Variants in PTK7 observed in about 807,000 individuals in gnomAD.
PTK7 encodes inactive tyrosine-protein kinase 7.
Under a neutral mutation model 116.6 loss-of-function variants are expected in PTK7, and 39 were observed. That is an observed-to-expected ratio of 0.33 (90% CI 0.26 to 0.44). The LOEUF is 0.44. Ranked by LOEUF, PTK7 falls within the 20% of genes least tolerant of loss-of-function variation. PTK7 has a pLI of 1.00. For synonymous variants in PTK7, 546 were observed against 563.6 expected, an observed-to-expected ratio of 0.97 and a Z score of 0.44; for missense variants, 1,169 against 1,425.6, an observed-to-expected ratio of 0.82 and a Z score of 2.90.
chr6:43,155,598 G>A (rs1402976430), intron 17 of PTK7, among the ~76,000 whole-genome samples: 1 of 151,016 alleles, frequency 6.6e-6, no homozygotes. Flanking sequence ...GCAGTGAGCC[G>A]AGATCAGGCC....
intron 1 of PTK7, among the ~76,000 whole-genome samples, chr6:43,095,988 A>C (rs187936933): frequency 3.3e-4 from 50 of 152,346 alleles, no homozygotes; most frequent in African/African-American, 1.1e-3. Context: ...AGCTCTCAGT[A>C]GTCCTGAGTT....
At chr6:43,124,204 C>A (rs111763904) in intron 1 of PTK7, among the ~76,000 whole-genome samples, 3,414 of 152,308 alleles carry the variant, frequency 0.022, 56 homozygotes, top group South Asian at 0.059. Flanking sequence ...CTGGTGACTA[C>A]ATCACCTTGA....
At chr6:43,115,257 G>A (rs987049615) in intron 1 of PTK7, among the ~76,000 whole-genome samples, 1 of 151,604 alleles carries the variant, frequency 6.6e-6, no homozygotes, top group Non-Finnish European at 1.5e-5. Flanking sequence ...ACAATCATTA[G>A]TAATGTAGTT....
Position 43,129,495 on chromosome 6 carries a change from C to G in PTK7, c.367+231C>G. The G allele has an allele frequency of 1.4e-6, 1 of 736,086 alleles. No individual in the cohort carries two copies. Among genetic ancestry groups the G allele is most frequent in the Non-Finnish European group, 2.2e-6 (1 of 461,284 alleles). 45.6% of individuals were successfully genotyped at this position (736,086 alleles called of 1,614,324 possible). On this transcript the variant is annotated intron_variant, in intron 2 of 19. Coordinates refer to ENST00000230419, the MANE Select transcript of PTK7 (RefSeq NM_002821.5). The surrounding 1 kb of genome is among the most constrained non-coding windows in gnomAD (Gnocchi z 4.5). Reference sequence around the variant, plus strand: ...CCCATTTATCTGCTGCATGCTTGTGCAAATGGAAAGGGCGGCCGAGCCCTT... The same window carrying G: ...CCCATTTATCTGCTGCATGCTTGTGGAAATGGAAAGGGCGGCCGAGCCCTT...
intron 1 of PTK7, among the ~76,000 whole-genome samples, chr6:43,097,030 A>G (rs547632580): frequency 1.3e-5 from 1 of 76,722 alleles, no homozygotes; most frequent in South Asian, 4.7e-4. Context: ...TAGGCCAGCT[A>G]CTAAAATATG....
intron 1 of PTK7, among the ~76,000 whole-genome samples, chr6:43,118,411 C>T (rs1420630823): frequency 6.6e-6 from 1 of 151,500 alleles, no homozygotes; most frequent in Non-Finnish European, 1.5e-5. Flanking sequence ...GTGGCGGGCA[C>T]CTGTAATCCC....
Position 43,076,689 on chromosome 6 carries a change from G to A in PTK7, c.79+122G>A. ...CGGCCCTGGAGTAGTGGAGAGGCTC[G>A]CTGGGGGTGCAGGCTTGCGGCGGAA... On this transcript the variant is annotated intron_variant, in intron 1 of 19. Transcript: ENST00000230419. This position sits in a 1 kb window ranked among gnomAD's most constrained non-coding sequence, Gnocchi z 5.7. The A allele has an allele frequency of 7.2e-7, 1 of 1,391,798 alleles. No homozygotes were observed. The allele number at this position is 1,391,798 out of a possible 1,614,324, so 86.2% of individuals were successfully genotyped here. A position where few individuals can be genotyped will look rare whatever the true frequency, so the allele number is the denominator to read the frequency against.
intron 1 of PTK7, among the ~76,000 whole-genome samples, chr6:43,125,834 T>C (rs1769257080): frequency 6.6e-6 from 1 of 151,996 alleles, no homozygotes; most frequent in Non-Finnish European, 1.5e-5. Flanking sequence ...ACACACTGAG[T>C]GTAACAGGTC....
At position 43,100,033 on chromosome 6, in the gene PTK7, G is replaced by A. The variant is rs893680369; in HGVS notation, c.79+23466G>A. Among the ~76,000 whole-genome samples the A allele has an allele frequency of 8.5e-5, 13 of 152,208 alleles. No individual in the cohort carries two copies. The East Asian group carries it at 2.5e-3, about 29-fold the overall frequency. ...TGGCTAGTTTTTTGTATTTTTAGTA[G>A]AGATTTAGGGATTACAGCTGTGAAC... On this transcript the variant is annotated intron_variant, in intron 1 of 19. Coordinates refer to ENST00000230419, the MANE Select transcript of PTK7 (RefSeq NM_002821.5).
At position 43,096,962 on chromosome 6, in the gene PTK7, G is replaced by A. The variant is rs145077079; in HGVS notation, c.79+20395G>A. Among the ~76,000 whole-genome samples the A allele has an allele frequency of 2.3e-3, 344 of 152,360 alleles. 1 individual carries two copies. Among genetic ancestry groups the A allele is most frequent in the Non-Finnish European group, 2.2e-3 (152 of 68,026 alleles). ...AACCTCATTAAGAATTCTTGGGGCC[G>A]TGGAGAGCAAGGGAGCAGCTCATTC... is the stretch of plus-strand genomic sequence containing the variant. On this transcript the variant is annotated intron_variant, in intron 1 of 19. Coordinates refer to ENST00000230419, the MANE Select transcript of PTK7 (RefSeq NM_002821.5).
chr6:43,158,660 A>T (rs1463293706), intron 17 of PTK7, among the ~76,000 whole-genome samples, 157 bp from the exon 18 acceptor site: 2 of 152,178 alleles, frequency 1.3e-5, no homozygotes, highest in Non-Finnish European at 2.9e-5. Context: ...TACTGTTATT[A>T]TCCCCATTTT....
At chr6:43,126,273 T>C (rs934166357) in intron 1 of PTK7, among the ~76,000 whole-genome samples, 1 of 152,006 alleles carries the variant, frequency 6.6e-6, no homozygotes, top group Non-Finnish European at 1.5e-5. Context: ...TGAGCCAAGA[T>C]TGCACCACTG....
intron 1 of PTK7, among the ~76,000 whole-genome samples, chr6:43,094,668 C>T (rs960732144): frequency 2.0e-5 from 3 of 151,662 alleles, no homozygotes; most frequent in Non-Finnish European, 4.4e-5. Flanking sequence ...TTAGTAGAGA[C>T]GGGGTTTCAG....
chr6:43,139,240 C>T lies in PTK7; in HGVS notation c.1467C>T (p.Ser489=). ...GTATGAGCAGCACCCCAGCCGGCAG[C>T]ATCGAGGCGCAAGCCCGTGTCCAAG... ...YRCMSSTPAG[S]IEAQARVQVL... is the part of the protein sequence containing the mutation. The change falls in exon 9 of 20, where the codon AGC becomes AGT. Residue 489 remains serine, a synonymous_variant. Transcript: ENST00000230419. This position sits in a 1 kb window ranked among gnomAD's most constrained non-coding sequence, Gnocchi z 4.6. 6.2e-7 allele frequency: 1 copy of T among 1,614,206 alleles called. No individual in the cohort carries two copies. The highest frequency in any genetic ancestry group is 8.5e-7 in the Non-Finnish European group (1 of 1,180,036).
intron 1 of PTK7, among the ~76,000 whole-genome samples, chr6:43,112,195 C>T (rs1768229566): frequency 1.3e-5 from 2 of 152,114 alleles, no homozygotes; most frequent in Admixed American, 1.3e-4. Context: ...GCATTTCATC[C>T]TTGTAGAGGC....
At chr6:43,154,162 C>CTAAATAAA (rs371217159) in intron 17 of PTK7, among the ~76,000 whole-genome samples, 117 of 150,048 alleles carry the variant, frequency 7.8e-4, no homozygotes, top group Admixed American at 2.2e-3. Flanking sequence ...GACTCAGTCT[C>CTAAATAAA]TAAATAAATA....
At position 43,145,177 on chromosome 6, in the gene PTK7, G is replaced by A; in HGVS notation, c.2408-23G>A. On this transcript the variant is annotated intron_variant, in intron 15 of 19. Coordinates refer to ENST00000230419, the MANE Select transcript of PTK7 (RefSeq NM_002821.5). The surrounding 1 kb of genome is among the most constrained non-coding windows in gnomAD (Gnocchi z 4.8). ...GCCTCGGCCTGGGTGAAGGTGGCTGGCTGACTCAGACTGTACCCACAGGGA... is the reference window on the plus strand; with the variant it reads ...GCCTCGGCCTGGGTGAAGGTGGCTGACTGACTCAGACTGTACCCACAGGGA... The A allele has an allele frequency of 1.3e-6, 2 of 1,569,890 alleles. No individual in the cohort carries two copies. The highest frequency in any genetic ancestry group is 1.2e-5 in the South Asian group (1 of 84,646).
chr6:43,076,483 G>C lies in PTK7; in HGVS notation c.-6G>C, dbSNP rs749275790. 1 of 1,562,946 alleles carries C rather than the reference G, an allele frequency of 6.4e-7. No homozygotes were observed. Among genetic ancestry groups the C allele is most frequent in the African/African-American group, 1.4e-5 (1 of 70,706 alleles). On this transcript the variant is annotated 5_prime_UTR_variant, in exon 1 of 20. Transcript: ENST00000230419. The surrounding 1 kb of genome is among the most constrained non-coding windows in gnomAD (Gnocchi z 5.7). ...GCCCTCAGCTCCTTTTCCTGAGCCC[G>C]CCGCGATGGGAGCTGCGCGGGGATC...
chr6:43,077,764 A>C (rs999563683), intron 1 of PTK7, among the ~76,000 whole-genome samples: 24 of 152,192 alleles, frequency 1.6e-4, no homozygotes, highest in African/African-American at 5.8e-4. Context: ...TTGCCTTTCT[A>C]ATATCTTTCT....
Sources: allele counts gnomAD v4.1 joint callset (sites outside exome capture counted in the v4.1 genomes callset), GRCh38; gene constraint gnomAD v4.1.1; non-coding constraint Gnocchi (gnomAD v3.1); transcripts MANE v1.5; gene names NCBI Gene and HGNC (gene_info 2026-07-23, HGNC 2026-07-21).